MAN2A1: variants seen among roughly 807,000 people sequenced by gnomAD.
MAN2A1 encodes the protein alpha-mannosidase 2.
Under a neutral mutation model 142.6 loss-of-function variants are expected in MAN2A1, and 76 were observed. The observed-to-expected ratio is 0.53, with a 90% CI of 0.44 to 0.65. The LOEUF (loss-of-function observed/expected upper bound fraction) is 0.65. Among genes scored for constraint, MAN2A1 ranks in the 30% least tolerant of loss-of-function variants. The probability of loss-of-function intolerance (pLI) is 0.00; values close to 1 mark genes in which losing one functional copy is unlikely to be tolerated. For synonymous variants in MAN2A1, 559 were observed against 473.2 expected (o/e 1.18, Z -2.35); for missense variants, 1,311 against 1,365.1 (o/e 0.96, Z 0.62).
chr5:109,733,433 C>A (rs982321668), intron 4 of MAN2A1, among the ~76,000 whole-genome samples: 16 of 152,178 alleles, frequency 1.1e-4, no homozygotes, highest in Non-Finnish European at 1.9e-4. Context: ...GCATCCCTGT[C>A]TTGTGCCCAT....
At chr5:109,755,692 A>G (rs1407995408) in intron 5 of MAN2A1, among the ~76,000 whole-genome samples, 1 of 151,718 alleles carries the variant, frequency 6.6e-6, no homozygotes, top group Admixed American at 6.6e-5. Context: ...CTATATTTTT[A>G]TTGGTTTTGG....
At chr5:109,747,212 T>A (rs1219497990) in intron 4 of MAN2A1, among the ~76,000 whole-genome samples, 1 of 152,290 alleles carries the variant, frequency 6.6e-6, no homozygotes, top group Non-Finnish European at 1.5e-5. Flanking sequence ...AATTTTTTTT[T>A]AATCACTGTC....
chr5:109,716,494 A>G (rs1193526137), intron 3 of MAN2A1, among the ~76,000 whole-genome samples: 2 of 152,242 alleles, frequency 1.3e-5, no homozygotes, highest in African/African-American at 4.8e-5. Context: ...AATAAACAAA[A>G]AAGAAGGGCT....
chr5:109,774,836 T>C lies in MAN2A1; in HGVS notation c.1245T>C (p.Arg415=), dbSNP rs6894260. The C allele has an allele frequency of 4.3e-6, 7 of 1,612,126 alleles. No individual in the cohort carries two copies. The highest frequency in any genetic ancestry group is 5.9e-6 in the Non-Finnish European group (7 of 1,179,472). ...ACCGAAAGAAGTCAAAGCTTTTTCG[T>C]ACCAAAGTTCTCCTGGCTCCACTAG... ...DQYRKKSKLF[R]TKVLLAPLGD... is the part of the protein sequence containing the mutation. The change falls in exon 8 of 22, where the codon CGT becomes CGC. Residue 415 remains arginine, a synonymous_variant. Transcript: ENST00000261483.
chr5:109,745,128 C>CGGG (rs934237912), intron 4 of MAN2A1, among the ~76,000 whole-genome samples: 1 of 151,838 alleles, frequency 6.6e-6, no homozygotes, highest in African/African-American at 2.4e-5. Context: ...TGGATTGGAA[C>CGGG]GGGGCATGAG....
intron 8 of MAN2A1, among the ~76,000 whole-genome samples, chr5:109,777,475 A>G (rs185380982): frequency 3.4e-4 from 52 of 151,990 alleles, no homozygotes; most frequent in Non-Finnish European, 5.4e-4. Flanking sequence ...ATCTTTTTTC[A>G]TATAAAAGTT....
At chr5:109,799,796 T>G (rs1582909503) in intron 12 of MAN2A1, among the ~76,000 whole-genome samples, 1 of 138,530 alleles carries the variant, frequency 7.2e-6, no homozygotes. Flanking sequence ...CAACAAAAAA[T>G]CTCCAATCTT....
chr5:109,791,593 C>T (rs563944710), intron 12 of MAN2A1, among the ~76,000 whole-genome samples: 1 of 151,636 alleles, frequency 6.6e-6, no homozygotes, highest in East Asian at 1.9e-4. Context: ...GTTTGAGTAA[C>T]AAATTATCTC....
At position 109,868,740 on chromosome 5, in the gene MAN2A1, T is replaced by C. The variant is rs184453883; in HGVS notation, c.*1742T>C. ...GTACCGTAAGTTTTCTTCCACATATTTTGGGAAAAAACTAAAAAAAGAAAA... is the reference window on the plus strand; with the variant it reads ...GTACCGTAAGTTTTCTTCCACATATCTTGGGAAAAAACTAAAAAAAGAAAA... On this transcript the variant is annotated 3_prime_UTR_variant, in exon 22 of 22. Coordinates refer to ENST00000261483, the MANE Select transcript of MAN2A1 (RefSeq NM_002372.4). The C allele has an allele frequency of 6.6e-6, 1 of 152,230 alleles. No individual in the cohort carries two copies. The highest frequency in any genetic ancestry group is 1.9e-4 in the East Asian group (1 of 5,182). The allele number at this position is 152,230 out of a possible 1,614,324, so 9.4% of individuals were successfully genotyped here.
chr5:109,733,844 C>G (rs965374963), intron 4 of MAN2A1, among the ~76,000 whole-genome samples: 5 of 152,150 alleles, frequency 3.3e-5, no homozygotes, highest in Admixed American at 1.3e-4. Flanking sequence ...GTGTCTCTGT[C>G]AGGCTTTGGT....
In MAN2A1 at chr5:109,865,107, C is replaced by G. The variant is rs1296144330; in HGVS notation, c.3243C>G (p.Ser1081Arg). The change falls in exon 21 of 22, where the codon AGC becomes AGG. Residue 1081 changes from serine (S) to arginine (R), a missense_variant. Ser to Arg is a moderately radical substitution (Grantham distance 110). This residue lies in a region of MAN2A1 where 890 missense variants were observed against 920.5 expected (regional missense o/e 0.97). Transcript: ENST00000261483. Reference protein sequence around the residue: ...HRKGFDCRFSSKGTGLFCSTT... With the variant: ...HRKGFDCRFSRKGTGLFCSTT... ...AAGGGTTTGATTGTCGGTTCTCTAGCAAAGGCACAGGGCTGTTTTGTTCTA... is the reference window on the plus strand; with the variant it reads ...AAGGGTTTGATTGTCGGTTCTCTAGGAAAGGCACAGGGCTGTTTTGTTCTA... 6.2e-7 allele frequency: 1 copy of G among 1,614,042 alleles called. No individual in the cohort carries two copies. The highest frequency in any genetic ancestry group is 1.1e-5 in the South Asian group (1 of 91,080).
rs1022924350 is a variant in MAN2A1 at position 109,794,959 on chromosome 5, G to A, written c.1943+5432G>A. Among the ~76,000 whole-genome samples, 3 of 151,878 alleles carry A rather than the reference G, an allele frequency of 2.0e-5. No individual in the cohort carries two copies. The East Asian group carries it at 5.8e-4, about 29-fold the overall frequency. On this transcript the variant is annotated intron_variant, in intron 12 of 21. Transcript: ENST00000261483. ...TTCATCTTGTCTGTAGTCTACTGGA[G>A]TGTTTTCAGAAAGGATGCTTTATCC...
rs1488441425 is a variant in MAN2A1, at chr5:109,847,676, G to A, written c.2862G>A (p.Met954Ile). 14 of 1,569,796 alleles carry A rather than the reference G, an allele frequency of 8.9e-6. No homozygotes were observed. The East Asian group carries it at 3.3e-4, about 37-fold the overall frequency. Residue 954 changes from methionine to isoleucine, a missense_variant, in exon 19 of 22, where the codon ATG becomes ATA. This residue lies in a region of MAN2A1 where 890 missense variants were observed against 920.5 expected (regional missense o/e 0.97). Coordinates refer to ENST00000261483, the MANE Select transcript of MAN2A1 (RefSeq NM_002372.4). ...TGTTAGGTCAGATTGAAGTTATCAT[G>A]GATCGAAGACTCATGCAAGATGATA... ...SLNSGQIEVIMDRRLMQDDNR... is the reference protein window; with the variant it reads ...SLNSGQIEVIIDRRLMQDDNR...
At chr5:109,801,137 A>G (rs890913217) in intron 12 of MAN2A1, among the ~76,000 whole-genome samples, 1 of 152,180 alleles carries the variant, frequency 6.6e-6, no homozygotes, top group African/African-American at 2.4e-5. Flanking sequence ...ATTCTTATGG[A>G]CAAGTTTCAA....
chr5:109,751,507 G>A (rs1327825680), intron 4 of MAN2A1, among the ~76,000 whole-genome samples: 2 of 151,452 alleles, frequency 1.3e-5, no homozygotes, highest in Non-Finnish European at 2.9e-5. Flanking sequence ...TTTTTCCTTG[G>A]TATACTTGAG....
chr5:109,759,507 A>G (rs951732343), intron 5 of MAN2A1, among the ~76,000 whole-genome samples: 1 of 152,036 alleles, frequency 6.6e-6, no homozygotes, highest in Non-Finnish European at 1.5e-5. Context: ...CCTGTTGAAC[A>G]TTTGGGTTGC....
intron 18 of MAN2A1, among the ~76,000 whole-genome samples, chr5:109,847,115 C>T (rs1339655690): frequency 6.6e-6 from 1 of 152,128 alleles, no homozygotes; most frequent in Non-Finnish European, 1.5e-5. Flanking sequence ...AAACATAAAA[C>T]ATCTTTGTGC....
chr5:109,843,115 A>G (rs1580309736), intron 17 of MAN2A1, among the ~76,000 whole-genome samples: 1 of 152,004 alleles, frequency 6.6e-6, no homozygotes, highest in East Asian at 1.9e-4. Flanking sequence ...CTGTTTTTGT[A>G]TTAGCCCACT....
rs561183491 is a variant in MAN2A1 at position 109,799,067 on chromosome 5, T to C, written c.1943+9540T>C. On this transcript the variant is annotated intron_variant, in intron 12 of 21. Coordinates refer to ENST00000261483, the MANE Select transcript of MAN2A1 (RefSeq NM_002372.4). ...CTACTACCCTGCTTCAGACTGCTAC[T>C]GTCCCTCCACTGGGTGATGGTAATA... Among the ~76,000 whole-genome samples the C allele has an allele frequency of 2.2e-4, 33 of 152,290 alleles. 1 individual carries two copies. The South Asian group carries it at 6.0e-3, about 28-fold the overall frequency.
Sources: gnomAD v4.1 joint callset for allele counts (sites outside exome capture counted in the v4.1 genomes callset) on GRCh38, gnomAD v4.1.1 for gene constraint, gnomAD v4.1.1 regional missense constraint, MANE v1.5 for transcripts, NCBI Gene and HGNC (gene_info 2026-07-23, HGNC 2026-07-21) for gene names.